ITGA9: variants seen among roughly 807,000 people sequenced by gnomAD.
The protein encoded by ITGA9 is integrin alpha-9.
ITGA9 carries 56 observed loss-of-function variants against 127.8 expected under a neutral mutation model. The ratio of observed to expected loss-of-function variants is 0.44; its 90% CI spans 0.35 to 0.55. The LOEUF (loss-of-function observed/expected upper bound fraction) is 0.55, where lower values mean the gene tolerates loss of function less well. Among genes scored for constraint, ITGA9 ranks in the 20% least tolerant of loss-of-function variants. The pLI is 0.00. For synonymous variants in ITGA9, 508 were observed against 514.5 expected (o/e 0.99, Z 0.17); for missense variants, 1,196 against 1,347.1 (o/e 0.89, Z 1.76).
At chr3:37,627,076 C>T (rs1275862586) in intron 15 of ITGA9, among the ~76,000 whole-genome samples, 1 of 152,158 alleles carries the variant, frequency 6.6e-6, no homozygotes, top group Non-Finnish European at 1.5e-5. Flanking sequence ...ACATGAGTAT[C>T]AAAGGTCTGC....
chr3:37,518,041 A>G (rs1699004477), intron 10 of ITGA9, among the ~76,000 whole-genome samples: 1 of 151,642 alleles, frequency 6.6e-6, no homozygotes, highest in Admixed American at 6.6e-5. Flanking sequence ...AGAAACCCAG[A>G]CATCTTCTGC....
chr3:37,744,726 G>A (rs924686267), intron 22 of ITGA9, among the ~76,000 whole-genome samples: 1 of 152,232 alleles, frequency 6.6e-6, no homozygotes, highest in Non-Finnish European at 1.5e-5. Context: ...GGCCTCTGCA[G>A]CATCTATTCA....
chr3:37,452,593 G>A lies in ITGA9; in HGVS notation c.185+34G>A, dbSNP rs769754546. 2.1e-5 allele frequency: 31 copies of A among 1,480,064 alleles called. 1 individual carries two copies. The South Asian group carries it at 3.7e-4, about 18-fold the overall frequency. 91.7% of individuals were successfully genotyped at this position (1,480,064 alleles called of 1,614,324 possible). A position where few individuals can be genotyped will look rare whatever the true frequency, so the allele number is the denominator to read the frequency against. ...CCGCCCGACTCCGCGACCCTGGCCC[G>A]CGCGGCCACCGCCCCGGCCCCCAGG... On this transcript the variant is annotated intron_variant, in intron 1 of 27. Coordinates refer to ENST00000264741, the MANE Select transcript of ITGA9 (RefSeq NM_002207.3). The surrounding 1 kb of genome is among the most constrained non-coding windows in gnomAD (Gnocchi z 7.3).
Position 37,693,732 on chromosome 3 carries a change from C to G in ITGA9, c.2067+9717C>G, listed in dbSNP as rs138170165. 4.7e-3 allele frequency among the ~76,000 whole-genome samples: 718 copies of G among 152,326 alleles called. 10 individuals are homozygous for G. The highest frequency in any genetic ancestry group is 0.03 in the South Asian group (145 of 4,824). On this transcript the variant is annotated intron_variant, in intron 18 of 27. Coordinates refer to ENST00000264741, the MANE Select transcript of ITGA9 (RefSeq NM_002207.3). ...CAGGAGAACAAAGCAAATTGTGTTA[C>G]AGCCGGGAAACCAAGCATTGAGCAA...
Position 37,481,072 on chromosome 3 carries a change from C to T in ITGA9, c.421-412C>T, listed in dbSNP as rs186793243. ...CAGACCGGCCTTTCTTTCTCTTGAGCCTCTGAGCCTTTCTCACGATGTATC... is the reference window on the plus strand; with the variant it reads ...CAGACCGGCCTTTCTTTCTCTTGAGTCTCTGAGCCTTTCTCACGATGTATC... On this transcript the variant is annotated intron_variant, in intron 3 of 27. Transcript: ENST00000264741. Among the ~76,000 whole-genome samples the T allele has an allele frequency of 6.2e-4, 94 of 152,302 alleles. No individual in the cohort carries two copies. In the East Asian group the frequency reaches 0.018, roughly 28 times the overall value.
At chr3:37,594,452 G>A (rs922052537) in intron 15 of ITGA9, among the ~76,000 whole-genome samples, 1 of 152,166 alleles carries the variant, frequency 6.6e-6, no homozygotes, top group African/African-American at 2.4e-5. Flanking sequence ...ATTTGACAGT[G>A]AGGAGCAGAT....
intron 15 of ITGA9, among the ~76,000 whole-genome samples, chr3:37,577,194 G>A (rs1429335302): frequency 1.3e-5 from 2 of 152,224 alleles, no homozygotes; most frequent in African/African-American, 4.8e-5. Flanking sequence ...TGGGATGAAT[G>A]GGGATTCCCA....
At chr3:37,658,452 G>GT (rs1283376527) in intron 17 of ITGA9, among the ~76,000 whole-genome samples, 1 of 151,936 alleles carries the variant, frequency 6.6e-6, no homozygotes, top group African/African-American at 2.4e-5. Context: ...CATTCTTTAT[G>GT]TTTTTTTGAT....
intron 18 of ITGA9, among the ~76,000 whole-genome samples, chr3:37,705,858 C>T (rs2125675314): frequency 6.6e-6 from 1 of 152,330 alleles, no homozygotes. Flanking sequence ...TAAAAAACTT[C>T]CTCTGGCCCA....
intron 13 of ITGA9, among the ~76,000 whole-genome samples, chr3:37,528,869 AAT>A (rs1167358806): frequency 6.6e-6 from 1 of 152,168 alleles, no homozygotes; most frequent in Non-Finnish European, 1.5e-5. Flanking sequence ...CACAATAAAG[AAT>A]ACTTCTGTCA....
At chr3:37,498,755 G>A (rs977765216) in intron 5 of ITGA9, among the ~76,000 whole-genome samples, 1 of 152,198 alleles carries the variant, frequency 6.6e-6, no homozygotes, top group Non-Finnish European at 1.5e-5. Context: ...CTGTCTCCTG[G>A]CTACTTTGGA....
chr3:37,710,542 G>T (rs1166214512), intron 18 of ITGA9, among the ~76,000 whole-genome samples: 1 of 152,212 alleles, frequency 6.6e-6, no homozygotes, highest in African/African-American at 2.4e-5. Context: ...TGGCTTCACA[G>T]TAACCTTTCA....
At chr3:37,681,829 T>C (rs1254660583) in intron 17 of ITGA9, among the ~76,000 whole-genome samples, 1 of 151,796 alleles carries the variant, frequency 6.6e-6, no homozygotes, top group Admixed American at 6.6e-5. Context: ...TTTCCCTCCA[T>C]CTCCTCACCT....
chr3:37,557,032 C>A (rs2125597616), intron 15 of ITGA9, among the ~76,000 whole-genome samples: 1 of 152,286 alleles, frequency 6.6e-6, no homozygotes, highest in African/African-American at 2.4e-5. Context: ...ACTGACTGAG[C>A]TTGACTTTTC....
chr3:37,585,654 T>TA, intron 15 of ITGA9: 1 of 515,818 alleles, frequency 1.9e-6, no homozygotes, highest in Non-Finnish European at 3.9e-6. Flanking sequence ...TGTTTGTGGC[T>TA]AAAGAAGTCT....
intron 17 of ITGA9, among the ~76,000 whole-genome samples, chr3:37,659,320 A>T (rs145496042): frequency 6.6e-6 from 1 of 152,032 alleles, no homozygotes; most frequent in East Asian, 1.9e-4. Flanking sequence ...ACACCAATCA[A>T]ATGTAGGTTT....
chr3:37,781,882 T>C (rs1043256174), intron 25 of ITGA9, among the ~76,000 whole-genome samples: 5 of 152,232 alleles, frequency 3.3e-5, no homozygotes, highest in African/African-American at 1.2e-4. Context: ...GTTACAGCCC[T>C]CACACACCTG....
intron 14 of ITGA9, among the ~76,000 whole-genome samples, chr3:37,534,045 T>A (rs267558): frequency 3.9e-5 from 6 of 152,104 alleles, no homozygotes; most frequent in Non-Finnish European, 7.4e-5. Context: ...CCTGCCATTT[T>A]TCTGGCTGGG....
At position 37,494,569 on chromosome 3, in the gene ITGA9, G is replaced by A; in HGVS notation, c.612+1G>A. The stretch of plus-strand genomic sequence containing the variant: ...TGGGATAGCGGGCTTCTTCACCGAG[G>A]TGGGTGTCTGCTGTCTGGGCATTTC... On this transcript the variant is annotated splice_donor_variant, in intron 5 of 27. Coordinates refer to ENST00000264741, the MANE Select transcript of ITGA9 (RefSeq NM_002207.3). LOFTEE classifies it high-confidence loss of function. 1 of 1,612,678 alleles carries A rather than the reference G, an allele frequency of 6.2e-7. No individual in the cohort carries two copies. Among genetic ancestry groups the A allele is most frequent in the Non-Finnish European group, 8.5e-7 (1 of 1,178,728 alleles).
Sources: gnomAD v4.1 joint callset for allele counts (sites outside exome capture counted in the v4.1 genomes callset) on GRCh38, gnomAD v4.1.1 for gene constraint, Gnocchi (gnomAD v3.1) non-coding constraint, MANE v1.5 for transcripts, NCBI Gene and HGNC (gene_info 2026-07-23, HGNC 2026-07-21) for gene names.